The following COL18A1 variants were observed in gnomAD, a reference collection of about 807,000 sequenced individuals.
COL18A1 encodes the protein collagen type XVIII alpha 1 chain, also known as collagen alpha-1(XVIII) chain.
A neutral mutation model predicts 168.0 loss-of-function variants in COL18A1; 133 were observed. That is an observed-to-expected ratio of 0.79 (90% CI 0.69 to 0.91). The LOEUF (loss-of-function observed/expected upper bound fraction) is 0.91. Ranked by LOEUF, COL18A1 falls within the 40% of genes least tolerant of loss-of-function variation. The pLI is 0.00. For synonymous variants in COL18A1, 949 were observed against 809.0 expected (o/e 1.17, Z -2.94); for missense variants, 2,126 against 1,925.4 (o/e 1.10, Z -1.95).
intron 38 of COL18A1, among the ~76,000 whole-genome samples, chr21:45,508,713 A>T (rs1435041123): frequency 6.6e-6 from 1 of 152,062 alleles, no homozygotes; most frequent in African/African-American, 2.4e-5. Context: ...GCTCTCACTC[A>T]TTTGCTGATT....
chr21:45,501,319 C>T (rs2036810249), intron 32 of COL18A1, among the ~76,000 whole-genome samples: 2 of 152,036 alleles, frequency 1.3e-5, no homozygotes, highest in South Asian at 4.1e-4. Flanking sequence ...GGACTTTCAG[C>T]CCAGGGAGAT....
intron 2 of COL18A1, among the ~76,000 whole-genome samples, chr21:45,442,817 AGGTCCTGGTGTGGGCGGC>A (rs1359667059): frequency 8.9e-5 from 5 of 56,096 alleles, no homozygotes; most frequent in African/African-American, 2.1e-4. Context: ...GTGTGGGCGG[AGGTCCTGGTGTGGGCGGC>A]GGTCCTGGTG....
intron 7 of COL18A1, 43 bp from the exon 8 acceptor site, chr21:45,477,707 G>A (rs879521706): frequency 3.6e-5 from 54 of 1,499,130 alleles, no homozygotes; most frequent in Non-Finnish European, 4.2e-5. Flanking sequence ...AGGGTGTGTG[G>A]GGCCCCACCC....
At position 45,484,357 on chromosome 21, in the gene COL18A1, C is replaced by T. The variant is rs116326564; in HGVS notation, c.1701+1536C>T. 3.3e-3 allele frequency among the ~76,000 whole-genome samples: 458 copies of T among 140,036 alleles called. 4 individuals are homozygous for T. Among genetic ancestry groups the T allele is most frequent in the Middle Eastern group, 0.012 (3 of 252 alleles). The allele number at this position is 140,036 out of a possible 152,430, so 91.9% of individuals were successfully genotyped here. The stretch of plus-strand genomic sequence containing the variant: ...CACACACACATCTCCAGCATATGTG[C>T]GCACACACATACACGCACACACACA... On this transcript the variant is annotated intron_variant, in intron 15 of 41. Transcript: ENST00000651438.
intron 2 of COL18A1, among the ~76,000 whole-genome samples, chr21:45,418,766 A>AGCCACCTCACGTCACTTCCTGGGGTATC: frequency 1.4e-5 from 1 of 71,122 alleles, no homozygotes; most frequent in Non-Finnish European, 3.0e-5. Context: ...AGGGGCCTCC[A>AGCCACCTCACGTCACTTCCTGGGGTATC]AGGCTGTCTC....
intron 2 of COL18A1, among the ~76,000 whole-genome samples, chr21:45,431,993 G>A (rs1018461490): frequency 6.6e-6 from 1 of 152,166 alleles, no homozygotes; most frequent in African/African-American, 2.4e-5. Context: ...TACTTTCCCG[G>A]CCCACATCCT....
chr21:45,477,563 G>A, intron 7 of COL18A1, 76 bp downstream of exon 7: 2 of 1,427,816 alleles, frequency 1.4e-6, no homozygotes, highest in East Asian at 2.5e-5. Flanking sequence ...TCACTGGTGA[G>A]CCCTGATGAA....
chr21:45,507,013 T>G, intron 37 of COL18A1: 1 of 294,862 alleles, frequency 3.4e-6, no homozygotes, highest in Non-Finnish European at 6.8e-6. Flanking sequence ...TTCAGGGGCT[T>G]TGGTCCTGAC....
chr21:45,504,629 C>T (rs1343728022), intron 34 of COL18A1, 73 bp downstream of exon 34: 2 of 1,400,346 alleles, frequency 1.4e-6, no homozygotes, highest in Non-Finnish European at 9.8e-7. Flanking sequence ...CAGGTCCAGC[C>T]CGGCCTTCGA....
At chr21:45,503,648 AGGG>A (rs1399435227) in intron 32 of COL18A1, among the ~76,000 whole-genome samples, 1 of 56,296 alleles carries the variant, frequency 1.8e-5, no homozygotes, top group Non-Finnish European at 3.2e-5. Flanking sequence ...GGGTGGGGGG[AGGG>A]GGGAGGGATA....
At chr21:45,446,591 C>A (rs2034510070) in intron 2 of COL18A1, among the ~76,000 whole-genome samples, 1 of 152,142 alleles carries the variant, frequency 6.6e-6, no homozygotes, top group African/African-American at 2.4e-5. Flanking sequence ...GAATTAAAAC[C>A]AATTCTCACA....
rs2037702043 is a variant in COL18A1 at position 45,513,052 on chromosome 21, C to G, written c.*654C>G. 1 of 155,502 alleles carries G rather than the reference C, an allele frequency of 6.4e-6. No individual in the cohort carries two copies. Among genetic ancestry groups the G allele is most frequent in the Admixed American group, 6.3e-5 (1 of 15,996 alleles). 9.6% of individuals were successfully genotyped at this position (155,502 alleles called of 1,614,324 possible). On this transcript the variant is annotated 3_prime_UTR_variant, in exon 42 of 42. Coordinates refer to ENST00000651438, the MANE Select transcript of COL18A1 (RefSeq NM_001379500.1). ...CCCAGCTCCGGCCTGTCCTCCAACA[C>G]CAAGCACAGCAGCCTGGGGCTGGCC...
At chr21:45,408,321 A>T (rs1408017810) in intron 2 of COL18A1, 1 of 152,270 alleles carries the variant, frequency 6.6e-6, no homozygotes, top group Non-Finnish European at 1.5e-5. Context: ...GCAGGGGCAC[A>T]ACTGTGTACA....
intron 2 of COL18A1, among the ~76,000 whole-genome samples, chr21:45,453,485 A>G (rs533791291): frequency 2.0e-5 from 3 of 152,214 alleles, no homozygotes; most frequent in African/African-American, 7.2e-5. Flanking sequence ...CACCCTTGCC[A>G]GGTGCTTCCT....
chr21:45,469,488 C>T (rs2035337801), intron 3 of COL18A1, among the ~76,000 whole-genome samples: 1 of 152,242 alleles, frequency 6.6e-6, no homozygotes, highest in African/African-American at 2.4e-5. Flanking sequence ...GTGGGAGTCC[C>T]CCAGCGGTGA....
intron 41 of COL18A1, among the ~76,000 whole-genome samples, chr21:45,511,513 C>T (rs2037607339): frequency 6.6e-6 from 1 of 152,166 alleles, no homozygotes. Flanking sequence ...GTCACCAAGC[C>T]TGTGGTCAGC....
intron 2 of COL18A1, among the ~76,000 whole-genome samples, chr21:45,446,070 T>A (rs540315335): frequency 6.6e-6 from 1 of 152,214 alleles, no homozygotes; most frequent in South Asian, 2.1e-4. Context: ...TTTAGCTCTT[T>A]TATTTAAGAG....
chr21:45,477,944 C>T lies in COL18A1; in HGVS notation c.1200C>T (p.Thr400=). ...CAGGGCCTCCGGGGAGGGACGGCAC[C>T]CCTGGAAGGGACGGCGAGCCGGTGA... ...GPPGPPGRDG[T]PGRDGEPGDP... Residue 400 remains threonine, a synonymous_variant, in exon 8 of 42, where the codon ACC becomes ACT. Coordinates refer to ENST00000651438, the MANE Select transcript of COL18A1 (RefSeq NM_001379500.1). 6.5e-7 allele frequency: 1 copy of T among 1,548,822 alleles called. No individual in the cohort carries two copies. Among genetic ancestry groups the T allele is most frequent in the Non-Finnish European group, 8.8e-7 (1 of 1,141,638 alleles).
At chr21:45,417,684 G>A (rs1314984391) in intron 2 of COL18A1, among the ~76,000 whole-genome samples, 1 of 152,200 alleles carries the variant, frequency 6.6e-6, no homozygotes, top group Admixed American at 6.5e-5. Context: ...CGGACTGTGG[G>A]GTGACCGCTC....
Sources: allele counts gnomAD v4.1 joint callset (sites outside exome capture counted in the v4.1 genomes callset), GRCh38; gene constraint gnomAD v4.1.1; transcripts MANE v1.5; gene names NCBI Gene and HGNC (gene_info 2026-07-23, HGNC 2026-07-21).